Variants in MAML2 observed in about 807,000 individuals in gnomAD.
The protein encoded by MAML2 is mastermind-like protein 2.
A neutral mutation model predicts 96.1 loss-of-function variants in MAML2; 22 were observed. That is an observed-to-expected ratio of 0.23 (90% CI 0.16 to 0.33). The LOEUF (loss-of-function observed/expected upper bound fraction) is 0.33. MAML2 is among the 10% of genes least tolerant of loss of function. The pLI, the probability that MAML2 is intolerant of heterozygous loss-of-function variation, is 1.00. For synonymous variants in MAML2, 561 were observed against 521.3 expected (o/e 1.08, Z -1.04); for missense variants, 1,367 against 1,392.4 (o/e 0.98, Z 0.29).
Position 96,341,934 on chromosome 11 carries a change from G to A in MAML2, c.-39C>T, listed in dbSNP as rs1474373620. On this transcript the variant is annotated 5_prime_UTR_variant, in exon 1 of 5. Transcript: ENST00000524717. ...ATGATTGCTGCCTCTGGGATGGTGAGGTGGAAAGAGGCTACTGCTGGCTAT... is the reference window on the plus strand; with the variant it reads ...ATGATTGCTGCCTCTGGGATGGTGAAGTGGAAAGAGGCTACTGCTGGCTAT... 4 of 1,470,940 alleles carry A rather than the reference G, an allele frequency of 2.7e-6. No individual in the cohort carries two copies. In the South Asian group the frequency reaches 4.1e-5, roughly 15 times the overall value. The allele number at this position is 1,470,940 out of a possible 1,614,324, so 91.1% of individuals were successfully genotyped here. A position where few individuals can be genotyped will look rare whatever the true frequency, so the allele number is the denominator to read the frequency against.
At chr11:96,130,685 T>G (rs1860532595) in intron 1 of MAML2, among the ~76,000 whole-genome samples, 1 of 152,126 alleles carries the variant, frequency 6.6e-6, no homozygotes, top group African/African-American at 2.4e-5. Context: ...AATAGAAAGA[T>G]TCTCCATTTC....
intron 1 of MAML2, among the ~76,000 whole-genome samples, chr11:96,256,812 G>A (rs1028421838): frequency 1.3e-5 from 2 of 152,122 alleles, no homozygotes; most frequent in African/African-American, 2.4e-5. Flanking sequence ...AAGTATGTCC[G>A]GCTGCAATAC....
At chr11:96,146,196 T>A (rs894997585) in intron 1 of MAML2, among the ~76,000 whole-genome samples, 1 of 152,138 alleles carries the variant, frequency 6.6e-6, no homozygotes, top group Non-Finnish European at 1.5e-5. Flanking sequence ...AGGATATAAT[T>A]TTTATAATAT....
intron 1 of MAML2, among the ~76,000 whole-genome samples, chr11:96,238,920 G>GTTT (rs1862397980): frequency 6.6e-6 from 1 of 152,176 alleles, no homozygotes; most frequent in Non-Finnish European, 1.5e-5. Flanking sequence ...GGTTTCAGAA[G>GTTT]TCTGTGGAGA....
intron 1 of MAML2, among the ~76,000 whole-genome samples, chr11:96,252,240 C>CATT (rs1386859621): frequency 4.1e-4 from 62 of 152,060 alleles, no homozygotes; most frequent in African/African-American, 1.5e-3. Flanking sequence ...AGTCAACCAA[C>CATT]ATTAAGTTCT....
intron 2 of MAML2, among the ~76,000 whole-genome samples, chr11:96,086,830 A>G (rs1859623475): frequency 1.3e-5 from 2 of 152,192 alleles, no homozygotes; most frequent in Admixed American, 1.3e-4. Flanking sequence ...GTGGATTCAG[A>G]TAAGGCAAGG....
chr11:95,989,420 G>A (rs1382639668), intron 3 of MAML2, among the ~76,000 whole-genome samples: 2 of 152,222 alleles, frequency 1.3e-5, no homozygotes, highest in Non-Finnish European at 2.9e-5. Context: ...CTCAACTGGG[G>A]CCCAGTGGGA....
chr11:96,154,260 C>T (rs1038194841), intron 1 of MAML2, among the ~76,000 whole-genome samples: 1 of 152,166 alleles, frequency 6.6e-6, no homozygotes, highest in African/African-American at 2.4e-5. Flanking sequence ...AACAAGCTCC[C>T]AGGTGCGGTA....
chr11:96,068,445 C>CACACACACAT (rs1859279830), intron 2 of MAML2, among the ~76,000 whole-genome samples: 1 of 112,692 alleles, frequency 8.9e-6, no homozygotes, highest in East Asian at 2.0e-4. Context: ...ACTTCACACA[C>CACACACACAT]ACACACACAC....
intron 1 of MAML2, among the ~76,000 whole-genome samples, chr11:96,257,526 C>A (rs996444826): frequency 1.3e-5 from 2 of 152,200 alleles, no homozygotes; most frequent in Non-Finnish European, 2.9e-5. Flanking sequence ...GGAATTACTT[C>A]CCTTTCAAGG....
chr11:96,142,329 C>T (rs1435239134), intron 1 of MAML2, among the ~76,000 whole-genome samples: 4 of 152,126 alleles, frequency 2.6e-5, no homozygotes, highest in Non-Finnish European at 5.9e-5. Context: ...GGCTAGAGTT[C>T]CCATCTGAAT....
At chr11:96,293,872 C>G (rs545176374) in intron 1 of MAML2, among the ~76,000 whole-genome samples, 3 of 152,248 alleles carry the variant, frequency 2.0e-5, no homozygotes, top group African/African-American at 7.2e-5. Flanking sequence ...AAAGAGCCAG[C>G]GAATTCTAAA....
intron 1 of MAML2, among the ~76,000 whole-genome samples, chr11:96,334,208 C>G (rs1227015256): frequency 1.3e-5 from 2 of 152,194 alleles, no homozygotes; most frequent in Non-Finnish European, 2.9e-5. Context: ...AAAAGCCATG[C>G]TCTTCCTCTA....
At chr11:96,270,926 T>C (rs1482331100) in intron 1 of MAML2, among the ~76,000 whole-genome samples, 1 of 152,158 alleles carries the variant, frequency 6.6e-6, no homozygotes, top group East Asian at 1.9e-4. Context: ...CAGCTGCCAG[T>C]GTGGCTAGAG....
intron 1 of MAML2, among the ~76,000 whole-genome samples, chr11:96,155,031 T>C (rs932078842): frequency 2.0e-5 from 3 of 152,202 alleles, no homozygotes; most frequent in Non-Finnish European, 4.4e-5. Context: ...CAGGGAGCAG[T>C]GCTCTGCTAT....
chr11:96,197,457 CA>C (rs2135927010), intron 1 of MAML2, among the ~76,000 whole-genome samples: 1 of 152,206 alleles, frequency 6.6e-6, no homozygotes, highest in East Asian at 1.9e-4. Context: ...GCCAGAGAAG[CA>C]ATTGTTTCAC....
At chr11:96,261,562 G>A (rs181128633) in intron 1 of MAML2, among the ~76,000 whole-genome samples, 14 of 152,278 alleles carry the variant, frequency 9.2e-5, no homozygotes, top group African/African-American at 1.4e-4. Context: ...TACATGAGCC[G>A]AAGGTATCGT....
chr11:96,078,350 T>G (rs905789081), intron 2 of MAML2, among the ~76,000 whole-genome samples: 5 of 152,238 alleles, frequency 3.3e-5, no homozygotes, highest in African/African-American at 1.2e-4. Flanking sequence ...GATAGTTCAA[T>G]CATAGATAGT....
intron 1 of MAML2, among the ~76,000 whole-genome samples, chr11:96,306,659 A>C (rs1260950039): frequency 6.6e-6 from 1 of 152,196 alleles, no homozygotes. Context: ...CCTCAGTCTA[A>C]ATTGAAAAGA....
Sources: allele counts gnomAD v4.1 joint callset (sites outside exome capture counted in the v4.1 genomes callset), GRCh38; gene constraint gnomAD v4.1.1; transcripts MANE v1.5; gene names NCBI Gene and HGNC (gene_info 2026-07-23, HGNC 2026-07-21).